Variants in ZFAND3 observed in about 807,000 individuals in gnomAD.
ZFAND3 encodes the protein AN1-type zinc finger protein 3.
ZFAND3 carries 10 observed loss-of-function variants against 29.6 expected under a neutral mutation model. That is an observed-to-expected ratio of 0.34 (90% confidence interval 0.21 to 0.57). The LOEUF is 0.57. Ranked by LOEUF, ZFAND3 falls within the 20% of genes least tolerant of loss-of-function variation. The probability of loss-of-function intolerance (pLI) is 0.86; values close to 1 mark genes in which losing one functional copy is unlikely to be tolerated. For missense variants in ZFAND3, 230 were observed against 304.5 expected (o/e 0.76, Z 1.82); for synonymous variants, 128 against 112.6 (o/e 1.14, Z -0.87).
At chr6:38,024,983 T>C (rs967189523) in intron 2 of ZFAND3, among the ~76,000 whole-genome samples, 21 of 152,310 alleles carry the variant, frequency 1.4e-4, no homozygotes, top group African/African-American at 4.3e-4. Context: ...AAGTAGAAAA[T>C]ACATATGTAT....
At chr6:37,995,344 A>C (rs1762832152) in intron 2 of ZFAND3, among the ~76,000 whole-genome samples, 1 of 152,212 alleles carries the variant, frequency 6.6e-6, no homozygotes, top group Non-Finnish European at 1.5e-5. Flanking sequence ...CAAGCACTAA[A>C]TTCTCAACCT....
chr6:38,059,320 T>A (rs1432277466), intron 2 of ZFAND3, among the ~76,000 whole-genome samples: 1 of 152,224 alleles, frequency 6.6e-6, no homozygotes, highest in Non-Finnish European at 1.5e-5. Context: ...TAACATATTT[T>A]AAATTTTTAT....
At chr6:38,030,085 TATATATATATATATATAG>T (rs1375931803) in intron 2 of ZFAND3, among the ~76,000 whole-genome samples, 3 of 55,160 alleles carry the variant, frequency 5.4e-5, no homozygotes, top group African/African-American at 1.0e-4. Context: ...TATATATATA[TATATATATATATATATAG>T]CCTGAGAAGG....
intron 2 of ZFAND3, among the ~76,000 whole-genome samples, chr6:38,055,221 A>G (rs1387963160): frequency 6.6e-6 from 1 of 152,188 alleles, no homozygotes; most frequent in African/African-American, 2.4e-5. Context: ...TGAAACATGA[A>G]GTATTTTATG....
At chr6:38,053,013 G>C (rs1475267444) in intron 2 of ZFAND3, among the ~76,000 whole-genome samples, 1 of 146,672 alleles carries the variant, frequency 6.8e-6, no homozygotes, top group African/African-American at 2.5e-5. Context: ...TAGCCTGGGC[G>C]ACAGCGCAAG....
At chr6:37,849,372 A>G (rs1764241268) in intron 1 of ZFAND3, among the ~76,000 whole-genome samples, 1 of 152,110 alleles carries the variant, frequency 6.6e-6, no homozygotes, top group Admixed American at 6.5e-5. Flanking sequence ...GCGTCATATA[A>G]TAGTTTGTGC....
At position 38,092,109 on chromosome 6, in the gene ZFAND3, G is replaced by GA. The variant is rs1327537828; in HGVS notation, c.361+9653dup. Among the ~76,000 whole-genome samples the GA allele has an allele frequency of 5.9e-5, 9 of 152,256 alleles. No individual in the cohort carries two copies. In the South Asian group the frequency reaches 1.5e-3, roughly 25 times the overall value. On this transcript the variant is annotated intron_variant, in intron 4 of 5. Coordinates refer to ENST00000287218, the MANE Select transcript of ZFAND3 (RefSeq NM_021943.3). The stretch of plus-strand genomic sequence containing the variant: ...TGTCTGCTTCCAAGGCACCCCCCTC[G>GA]AGAAGGATCTTCAGAAATATTTCAT...
At chr6:38,139,658 C>T (rs1201763264) in intron 5 of ZFAND3, among the ~76,000 whole-genome samples, 1 of 152,136 alleles carries the variant, frequency 6.6e-6, no homozygotes, top group African/African-American at 2.4e-5. Context: ...TTATTGTAAT[C>T]AGTGGAGCAC....
chr6:37,907,928 C>A (rs1765438569), intron 1 of ZFAND3, among the ~76,000 whole-genome samples: 1 of 152,178 alleles, frequency 6.6e-6, no homozygotes, highest in African/African-American at 2.4e-5. Context: ...TGAGAACATT[C>A]ACATACATAA....
intron 2 of ZFAND3, among the ~76,000 whole-genome samples, chr6:38,023,840 T>C (rs770883051): frequency 5.3e-5 from 8 of 152,150 alleles, no homozygotes; most frequent in Non-Finnish European, 1.2e-4. Flanking sequence ...AATTACTCCA[T>C]TATTAGGGGA....
At chr6:37,912,107 A>C (rs770550420) in intron 1 of ZFAND3, among the ~76,000 whole-genome samples, 21 of 146,268 alleles carry the variant, frequency 1.4e-4, no homozygotes, top group South Asian at 2.2e-4. Context: ...GAGAGGTGGC[A>C]AGTTTTGTGG....
chr6:38,030,074 A>G (rs1258820135), intron 2 of ZFAND3, among the ~76,000 whole-genome samples: 9 of 51,486 alleles, frequency 1.7e-4, no homozygotes, highest in Admixed American at 4.9e-4. Flanking sequence ...ATATATATAT[A>G]TATATATATA....
chr6:37,963,699 C>T (rs1287305384), intron 2 of ZFAND3, among the ~76,000 whole-genome samples: 1 of 152,100 alleles, frequency 6.6e-6, no homozygotes, highest in East Asian at 1.9e-4. Flanking sequence ...TTCCAGTCTG[C>T]TTCTGAATGT....
At chr6:37,984,990 G>A (rs1762641684) in intron 2 of ZFAND3, among the ~76,000 whole-genome samples, 1 of 152,148 alleles carries the variant, frequency 6.6e-6, no homozygotes, top group Non-Finnish European at 1.5e-5. Context: ...AAATTAAAAA[G>A]GGATGTTTTA....
chr6:37,958,859 T>G (rs919826956), intron 2 of ZFAND3, among the ~76,000 whole-genome samples: 2 of 152,164 alleles, frequency 1.3e-5, no homozygotes, highest in Non-Finnish European at 2.9e-5. Context: ...CAAACCTTGC[T>G]TCATTTATTT....
At chr6:37,910,376 G>A (rs1765498001) in intron 1 of ZFAND3, among the ~76,000 whole-genome samples, 1 of 150,940 alleles carries the variant, frequency 6.6e-6, no homozygotes, top group Non-Finnish European at 1.5e-5. Flanking sequence ...GTAATGTCCA[G>A]TTTTGGTTTC....
At chr6:38,093,647 A>G (rs985369832) in intron 4 of ZFAND3, among the ~76,000 whole-genome samples, 1 of 152,134 alleles carries the variant, frequency 6.6e-6, no homozygotes, top group Non-Finnish European at 1.5e-5. Flanking sequence ...AAATGTGAGG[A>G]CTAAGGAAAG....
intron 1 of ZFAND3, among the ~76,000 whole-genome samples, chr6:37,915,368 C>G (rs1370033543): frequency 6.6e-6 from 1 of 152,218 alleles, no homozygotes; most frequent in African/African-American, 2.4e-5. Context: ...TCTTTGCATT[C>G]ACAACCTGGC....
intron 1 of ZFAND3, among the ~76,000 whole-genome samples, chr6:37,924,618 T>G (rs367602068): frequency 6.6e-6 from 1 of 152,156 alleles, no homozygotes; most frequent in East Asian, 1.9e-4. Context: ...GAGGATCACC[T>G]GAGCCCAGGA....
Sources: gnomAD v4.1 joint callset for allele counts (sites outside exome capture counted in the v4.1 genomes callset) on GRCh38, gnomAD v4.1.1 for gene constraint, MANE v1.5 for transcripts, NCBI Gene and HGNC (gene_info 2026-07-23, HGNC 2026-07-21) for gene names.